Variants in RABGAP1L observed in about 807,000 individuals in gnomAD.
The protein encoded by RABGAP1L is RAB GTPase activating protein 1 like.
Under a neutral mutation model 137.7 loss-of-function variants are expected in RABGAP1L, and 63 were observed. The observed-to-expected ratio is 0.46, with a 90% CI of 0.37 to 0.56. The LOEUF (loss-of-function observed/expected upper bound fraction) is 0.56. RABGAP1L is among the 20% of genes least tolerant of loss of function. RABGAP1L has a pLI of 0.00. For synonymous variants in RABGAP1L, 431 were observed against 433.7 expected, an observed-to-expected ratio of 0.99 and a Z score of 0.08; for missense variants, 1,095 against 1,244.0, an observed-to-expected ratio of 0.88 and a Z score of 1.80.
chr1:174,215,722 G>A (rs181259843), intron 1 of RABGAP1L, among the ~76,000 whole-genome samples: 44 of 152,216 alleles, frequency 2.9e-4, no homozygotes, highest in Non-Finnish European at 4.7e-4. Flanking sequence ...CACTGTTGGT[G>A]GGAGTATGCA....
intron 13 of RABGAP1L, among the ~76,000 whole-genome samples, chr1:174,635,617 A>G (rs769943655): frequency 6.6e-6 from 1 of 150,872 alleles, no homozygotes; most frequent in South Asian, 2.1e-4. Flanking sequence ...GTATCCTTTT[A>G]CTGAAGTTAT....
chr1:174,489,945 C>G (rs1408957531), intron 13 of RABGAP1L, among the ~76,000 whole-genome samples: 5 of 152,034 alleles, frequency 3.3e-5, no homozygotes, highest in Admixed American at 6.5e-5. Context: ...TTATTTCAAT[C>G]TCTTTGTTCA....
intron 19 of RABGAP1L, among the ~76,000 whole-genome samples, chr1:174,903,732 C>T (rs1229726509): frequency 2.0e-5 from 3 of 152,078 alleles, no homozygotes; most frequent in African/African-American, 7.2e-5. Context: ...GGGTGGATCA[C>T]CTGAGGTCGG....
chr1:174,645,797 T>C (rs1224182747), intron 14 of RABGAP1L, among the ~76,000 whole-genome samples: 1 of 151,806 alleles, frequency 6.6e-6, no homozygotes, highest in Non-Finnish European at 1.5e-5. Context: ...TCTTCCACAA[T>C]GGTTGAACTA....
intron 17 of RABGAP1L, among the ~76,000 whole-genome samples, chr1:174,742,208 G>A (rs1374598556): frequency 6.7e-6 from 1 of 149,916 alleles, no homozygotes; most frequent in Non-Finnish European, 1.5e-5. Flanking sequence ...AGGGGGAGGA[G>A]GAGGAAAGAA....
At chr1:174,402,754 G>A (rs932034477) in intron 13 of RABGAP1L, among the ~76,000 whole-genome samples, 6 of 152,142 alleles carry the variant, frequency 3.9e-5, no homozygotes, top group African/African-American at 1.2e-4. Context: ...CCTTGTTCCT[G>A]TGTAGAAACA....
At chr1:174,513,616 A>C (rs923969703) in intron 13 of RABGAP1L, among the ~76,000 whole-genome samples, 5 of 152,136 alleles carry the variant, frequency 3.3e-5, no homozygotes, top group Non-Finnish European at 5.9e-5. Flanking sequence ...TTATACCCCC[A>C]AAAATAAATA....
rs140426360 is a variant in RABGAP1L, at chr1:174,254,383, C to T, written c.986+1793C>T. On this transcript the variant is annotated intron_variant, in intron 7 of 25. Transcript: ENST00000681986. ...ATGTGCAGAACATGCAGGTTTGTTACGTAGGTATACCTGTGCCATGGTGGT... is the reference window on the plus strand; with the variant it reads ...ATGTGCAGAACATGCAGGTTTGTTATGTAGGTATACCTGTGCCATGGTGGT... Among the ~76,000 whole-genome samples the T allele has an allele frequency of 4.2e-3, 642 of 152,212 alleles. 7 individuals carry two copies. The highest frequency in any genetic ancestry group is 0.025 in the South Asian group (119 of 4,812).
intron 11 of RABGAP1L, among the ~76,000 whole-genome samples, chr1:174,323,227 C>T (rs1202926213): frequency 6.6e-6 from 1 of 151,974 alleles, no homozygotes; most frequent in African/African-American, 2.4e-5. Flanking sequence ...ATATTTTACT[C>T]ATTTTAGCCC....
intron 19 of RABGAP1L, among the ~76,000 whole-genome samples, chr1:174,862,124 A>T (rs1461998807): frequency 6.6e-6 from 1 of 152,200 alleles, no homozygotes; most frequent in African/African-American, 2.4e-5. Flanking sequence ...TTGTTATGGT[A>T]TAAGATAAGG....
Position 174,957,470 on chromosome 1 carries a change from A to C in RABGAP1L, c.2354A>C (p.Lys785Thr), listed in dbSNP as rs1411935831. ...AAATCCCTGCAGGTACCAACCAAGAAGCTGAAGAAATATGAGAAAGAATAT... is the reference window on the plus strand; with the variant it reads ...AAATCCCTGCAGGTACCAACCAAGACGCTGAAGAAATATGAGAAAGAATAT... The part of the protein sequence containing the change: ...QACNIKVPTK[K>T]LKKYEKEYQT... The change falls in exon 20 of 26, where the codon AAG (lysine) becomes ACG (threonine). Residue 785 changes from lysine (K) to threonine (T), a missense_variant. Lys to Thr is a moderately conservative substitution (Grantham distance 78, BLOSUM62 -1). Transcript: ENST00000681986. 6.2e-7 allele frequency: 1 copy of C among 1,613,508 alleles called. No homozygotes were observed. The highest frequency in any genetic ancestry group is 8.5e-7 in the Non-Finnish European group (1 of 1,179,452).
intron 11 of RABGAP1L, among the ~76,000 whole-genome samples, chr1:174,323,355 A>C (rs900458314): frequency 1.3e-5 from 2 of 152,126 alleles, no homozygotes; most frequent in Admixed American, 6.6e-5. Context: ...TGTAAATCTC[A>C]CCTGAAAGCC....
At chr1:174,205,758 G>C (rs1295791163) in intron 1 of RABGAP1L, among the ~76,000 whole-genome samples, 1 of 151,576 alleles carries the variant, frequency 6.6e-6, no homozygotes, top group East Asian at 1.9e-4. Flanking sequence ...GTTTTTTCTT[G>C]TCTCTATTTA....
chr1:174,247,089 A>G (rs116828857), intron 5 of RABGAP1L, among the ~76,000 whole-genome samples: 98 of 152,246 alleles, frequency 6.4e-4, no homozygotes, highest in African/African-American at 2.2e-3. Context: ...ACCTTTCTAT[A>G]AAGAATTTTT....
chr1:174,613,165 A>T (rs973678891), intron 13 of RABGAP1L, among the ~76,000 whole-genome samples: 1 of 148,694 alleles, frequency 6.7e-6, no homozygotes, highest in South Asian at 2.2e-4. Context: ...TCAATTTTGG[A>T]TCTTTCCTGC....
chr1:174,282,802 C>T (rs1202123864), intron 10 of RABGAP1L, among the ~76,000 whole-genome samples: 2 of 152,164 alleles, frequency 1.3e-5, no homozygotes, highest in South Asian at 2.1e-4. Context: ...TTGAGGTCAT[C>T]TTCCCACACC....
chr1:174,641,231 C>G (rs1222898019), intron 14 of RABGAP1L, among the ~76,000 whole-genome samples: 2 of 151,862 alleles, frequency 1.3e-5, no homozygotes, highest in African/African-American at 4.8e-5. Flanking sequence ...TTTTCTGTGG[C>G]TCTGGTGAAA....
chr1:174,462,758 C>A (rs1191072186), intron 13 of RABGAP1L, among the ~76,000 whole-genome samples: 1 of 152,126 alleles, frequency 6.6e-6, no homozygotes, highest in African/African-American at 2.4e-5. Context: ...GTTTAGCTCT[C>A]TCTTATAAGT....
intron 19 of RABGAP1L, among the ~76,000 whole-genome samples, chr1:174,931,503 GT>G (rs1325604749): frequency 6.6e-6 from 1 of 152,000 alleles, no homozygotes; most frequent in African/African-American, 2.4e-5. Context: ...AGACTTGCAT[GT>G]TTTTTTAAAA....
Sources: allele counts gnomAD v4.1 joint callset (sites outside exome capture counted in the v4.1 genomes callset), GRCh38; gene constraint gnomAD v4.1.1; transcripts MANE v1.5; gene names NCBI Gene and HGNC (gene_info 2026-07-23, HGNC 2026-07-21).